Variants in ADAM21 observed in about 807,000 individuals in gnomAD.
The protein encoded by ADAM21 is ADAM metallopeptidase domain 21, also known as disintegrin and metalloproteinase domain-containing protein 21.
For synonymous variants in ADAM21, 262 were observed against 306.0 expected (o/e 0.86, Z 1.50); for missense variants, 678 against 874.4 (o/e 0.78, Z 2.83).
chr14:70,458,359 T>G lies in ADAM21; in HGVS notation c.860T>G (p.Leu287Arg), dbSNP rs545617797. The change falls in exon 2 of 2, where the codon CTT becomes CGT. Residue 287 changes from leucine (L) to arginine (R), a missense_variant. Leu to Arg is a moderately radical substitution (Grantham distance 102, BLOSUM62 -2). Coordinates refer to ENST00000603540, the MANE Select transcript of ADAM21 (RefSeq NM_003813.4). ...TTCTCTCAATGGAAACAAATCAGTC[T>G]TTCCCAGCTACAGCATGATGCTGCA... is the stretch of plus-strand genomic sequence containing the variant. ...NDFSQWKQIS[L>R]SQLQHDAAHM... 2.2e-5 allele frequency: 36 copies of G among 1,614,214 alleles called. No individual in the cohort carries two copies. The highest frequency in any genetic ancestry group is 1.1e-4 in the African/African-American group (8 of 75,074).
In ADAM21 at chr14:70,457,623, G is replaced by C; in HGVS notation, c.124G>C (p.Val42Leu). The C allele has an allele frequency of 3.1e-6, 5 of 1,613,996 alleles. No individual in the cohort carries two copies. The highest frequency in any genetic ancestry group is 4.2e-6 in the Non-Finnish European group (5 of 1,179,954). ...CTCCCAGCATTTCACTTCCCCGGAA[G>C]TGGTGATCCCCTTGAAGGTGATCAG... ...GPSQHFTSPE[V>L]VIPLKVISRG... is the part of the protein sequence containing the mutation. The change falls in exon 2 of 2, where the codon GTG (valine) becomes CTG (leucine). Residue 42 changes from valine to leucine, a missense_variant. Coordinates refer to ENST00000603540, the MANE Select transcript of ADAM21 (RefSeq NM_003813.4).
At chr14:70,455,125 T>C (rs1889087374) in intron 1 of ADAM21, among the ~76,000 whole-genome samples, 1 of 152,170 alleles carries the variant, frequency 6.6e-6, no homozygotes, top group Admixed American at 6.5e-5. Context: ...CTCTCTCCTT[T>C]TGTCTTTAAA....
Position 70,459,781 on chromosome 14 carries a change from G to C in ADAM21, c.*113G>C. The C allele has an allele frequency of 7.7e-7, 1 of 1,297,300 alleles. No individual in the cohort carries two copies. The highest frequency in any genetic ancestry group is 1.1e-6 in the Non-Finnish European group (1 of 944,094). The allele number at this position is 1,297,300 out of a possible 1,614,324, so 80.4% of individuals were successfully genotyped here. On this transcript the variant is annotated 3_prime_UTR_variant, in exon 2 of 2. Transcript: ENST00000603540. The stretch of plus-strand genomic sequence containing the variant: ...CATTTCTGACCATTTCCAGAAAGCT[G>C]CAAAGATCTTCCCTTACATTAGTAC...
chr14:70,459,455 C>T lies in ADAM21; in HGVS notation c.1956C>T (p.His652=). Residue 652 remains histidine (H), a synonymous_variant, in exon 2 of 2, where the codon CAC becomes CAT. Coordinates refer to ENST00000603540, the MANE Select transcript of ADAM21 (RefSeq NM_003813.4). ...KGICNNKHHC[H]CGYGWSPPYC... The stretch of plus-strand genomic sequence containing the variant: ...TCTGCAATAACAAACATCACTGCCA[C>T]TGTGGCTATGGGTGGTCCCCACCCT... The T allele has an allele frequency of 6.2e-7, 1 of 1,614,240 alleles. No individual in the cohort carries two copies. Among genetic ancestry groups the T allele is most frequent in the Non-Finnish European group, 8.5e-7 (1 of 1,180,038 alleles).
At position 70,457,913 on chromosome 14, in the gene ADAM21, A is replaced by C. The variant is rs753003057; in HGVS notation, c.414A>C (p.Ile138=). Residue 138 remains isoleucine, a synonymous_variant, in exon 2 of 2, where the codon ATA becomes ATC. Coordinates refer to ENST00000603540, the MANE Select transcript of ADAM21 (RefSeq NM_003813.4). ...GGGGCTTTCGAGGAGTATTAAAAATAAGTGGCCTCACTTATGAAATTGAAC... is the reference window on the plus strand; with the variant it reads ...GGGGCTTTCGAGGAGTATTAAAAATCAGTGGCCTCACTTATGAAATTGAAC... ...CFGGFRGVLK[I]SGLTYEIEPI... 2.5e-6 allele frequency: 4 copies of C among 1,614,154 alleles called. No homozygotes were observed. Among genetic ancestry groups the C allele is most frequent in the East Asian group, 2.2e-5 (1 of 44,876 alleles).
chr14:70,455,121 C>G (rs1253608503), intron 1 of ADAM21, among the ~76,000 whole-genome samples: 5 of 152,076 alleles, frequency 3.3e-5, no homozygotes, highest in Admixed American at 1.3e-4. Context: ...CTCTCTCTCT[C>G]CTTTTGTCTT....
At chr14:70,457,311 A>C in intron 1 of ADAM21, 38 bp from the exon 2 acceptor site, 1 of 770,434 alleles carries the variant, frequency 1.3e-6, no homozygotes, top group Admixed American at 2.8e-5. Context: ...TTCCTTACTT[A>C]TCACCTTTCC....
chr14:70,459,083 T>C lies in ADAM21; in HGVS notation c.1584T>C (p.Asn528=), dbSNP rs777567095. The change falls in exon 2 of 2, where the codon AAT becomes AAC. Residue 528 remains asparagine (N), a synonymous_variant. Coordinates refer to ENST00000603540, the MANE Select transcript of ADAM21 (RefSeq NM_003813.4). ...AAGATGCAAAAAGTGCATCTCAGAA[T>C]TGCTATAAAGAAATCAATTCTCAGG... is the stretch of plus-strand genomic sequence containing the variant. ...FGKDAKSASQ[N]CYKEINSQGN... 2.5e-6 allele frequency: 4 copies of C among 1,613,220 alleles called. No individual in the cohort carries two copies. Among genetic ancestry groups the C allele is most frequent in the Non-Finnish European group, 3.4e-6 (4 of 1,179,794 alleles).
rs138163438 is a variant in ADAM21 at position 70,459,003 on chromosome 14, T to G, written c.1504T>G (p.Cys502Gly). 17 of 1,613,972 alleles carry G rather than the reference T, an allele frequency of 1.1e-5. No individual in the cohort carries two copies. The highest frequency in any genetic ancestry group is 1.4e-5 in the Non-Finnish European group (17 of 1,179,998). ...GATCCCCTGTAGTGACAGTGCCTAC[T>G]GCTATCAAAAGAGGTGTAATAACCA... The part of the protein sequence containing the change: ...DGIPCSDSAY[C>G]YQKRCNNHDQ... The change falls in exon 2 of 2, where the codon TGC becomes GGC. Residue 502 changes from cysteine (C) to glycine (G), a missense_variant. Cys to Gly is a radical substitution (Grantham distance 159). Transcript: ENST00000603540.
At position 70,458,715 on chromosome 14, in the gene ADAM21, C is replaced by G; in HGVS notation, c.1216C>G (p.Leu406Val). 1 of 1,614,016 alleles carries G rather than the reference C, an allele frequency of 6.2e-7. No individual in the cohort carries two copies. ...NPPRLGEIFM[L>V]KRCGNGVVER... The stretch of plus-strand genomic sequence containing the variant: ...TCCAAGATTGGGGGAAATCTTTATG[C>G]TAAAGCGCTGTGGGAATGGTGTGGT... Residue 406 changes from leucine to valine, a missense_variant, in exon 2 of 2, where the codon CTA (leucine) becomes GTA (valine). Transcript: ENST00000603540.
intron 1 of ADAM21, among the ~76,000 whole-genome samples, chr14:70,456,787 G>T (rs1220401773): frequency 6.6e-6 from 1 of 152,056 alleles, no homozygotes; most frequent in African/African-American, 2.4e-5. Context: ...GCATTACAGA[G>T]GATACTAAAA....
At position 70,458,117 on chromosome 14, in the gene ADAM21, T is replaced by C. The variant is rs745770097; in HGVS notation, c.618T>C (p.His206=). Residue 206 remains histidine (H), a synonymous_variant, in exon 2 of 2, where the codon CAT becomes CAC. Coordinates refer to ENST00000603540, the MANE Select transcript of ADAM21 (RefSeq NM_003813.4). Reference sequence around the variant, plus strand: ...AATCTGCTGGTGACTGGTGGACTCATGCATGGTTTCTGGAGCTAGTTGTTG... The same window carrying C: ...AATCTGCTGGTGACTGGTGGACTCACGCATGGTTTCTGGAGCTAGTTGTTG... The part of the protein sequence containing the change: ...EPKSAGDWWT[H]AWFLELVVVV... The C allele has an allele frequency of 6.2e-7, 1 of 1,614,110 alleles. No homozygotes were observed. Among genetic ancestry groups the C allele is most frequent in the Non-Finnish European group, 8.5e-7 (1 of 1,180,012 alleles).
Position 70,459,492 on chromosome 14 carries a change from A to G in ADAM21, c.1993A>G (p.Arg665Gly). The change falls in exon 2 of 2, where the codon AGA (arginine) becomes GGA (glycine). Residue 665 changes from arginine (R) to glycine (G), a missense_variant. By Grantham distance (125) the Arg-to-Gly change is moderately radical. Transcript: ENST00000603540. ...GTGGTCCCCACCCTACTGCCAGCAC[A>G]GAGGCTATGGGGGCAGTATTGACAG... ...YGWSPPYCQH[R>G]GYGGSIDSGP... 1.9e-6 allele frequency: 3 copies of G among 1,614,206 alleles called. No homozygotes were observed. The South Asian group carries it at 3.3e-5, about 18-fold the overall frequency.
intron 1 of ADAM21, among the ~76,000 whole-genome samples, chr14:70,454,404 C>T (rs1178552078): frequency 2.0e-5 from 3 of 152,034 alleles, no homozygotes; most frequent in Admixed American, 2.0e-4. Flanking sequence ...CATTCCCCGA[C>T]AATCTCTGTC....
In ADAM21 at chr14:70,457,507, T is replaced by C. The variant is rs754822213; in HGVS notation, c.8T>C (p.Val3Ala). Residue 3 changes from valine (V) to alanine (A), a missense_variant, in exon 2 of 2, where the codon GTG (valine) becomes GCG (alanine). Coordinates refer to ENST00000603540, the MANE Select transcript of ADAM21 (RefSeq NM_003813.4). Reference sequence around the variant, plus strand: ...CATAACGACAGCTTCATAATGGCAGTGGATGGGACCCTCGTGTACATCAGA... The same window carrying C: ...CATAACGACAGCTTCATAATGGCAGCGGATGGGACCCTCGTGTACATCAGA... The part of the protein sequence containing the change: MA[V>A]DGTLVYIRVT... 1.6e-5 allele frequency: 26 copies of C among 1,598,894 alleles called. No homozygotes were observed. The highest frequency in any genetic ancestry group is 2.1e-5 in the Non-Finnish European group (25 of 1,170,672).
chr14:70,452,960 T>A (rs1594980737), intron 1 of ADAM21, among the ~76,000 whole-genome samples: 3 of 152,102 alleles, frequency 2.0e-5, no homozygotes, highest in Admixed American at 6.5e-5. Context: ...AGAGAGGTAG[T>A]AAGGTAGAGA....
chr14:70,459,355 G>A lies in ADAM21; in HGVS notation c.1856G>A (p.Cys619Tyr), dbSNP rs1253958590. Residue 619 changes from cysteine (C) to tyrosine (Y), a missense_variant, in exon 2 of 2, where the codon TGC becomes TAC. Physicochemically the swap from Cys to Tyr is radical, Grantham distance 194. Transcript: ENST00000603540. Reference sequence around the variant, plus strand: ...ACTGTGTGTGGCCCAGGAAAGATCTGCATCCATAAGAAGTGTGTCAGTCTG... The same window carrying A: ...ACTGTGTGTGGCCCAGGAAAGATCTACATCCATAAGAAGTGTGTCAGTCTG... ...DGTVCGPGKI[C>Y]IHKKCVSLSV... is the part of the protein sequence containing the mutation. The A allele has an allele frequency of 6.2e-7, 1 of 1,614,094 alleles. No homozygotes were observed. The highest frequency in any genetic ancestry group is 1.3e-5 in the African/African-American group (1 of 74,934).
Position 70,459,853 on chromosome 14 carries a change from C to A in ADAM21, c.*185C>A. The A allele has an allele frequency of 1.4e-6, 1 of 729,796 alleles. No homozygotes were observed. The highest frequency in any genetic ancestry group is 2.2e-6 in the Non-Finnish European group (1 of 457,636). 45.2% of individuals were successfully genotyped at this position (729,796 alleles called of 1,614,324 possible). A position where few individuals can be genotyped will look rare whatever the true frequency, so the allele number is the denominator to read the frequency against. On this transcript the variant is annotated 3_prime_UTR_variant, in exon 2 of 2. Transcript: ENST00000603540. ...CAAGTTATTCTTAACATGTTTCTAT[C>A]TATTGTTTATTGTTTTAAGCAGCAA...
chr14:70,453,590 T>C (rs1387876460), intron 1 of ADAM21: 1 of 152,174 alleles, frequency 6.6e-6, no homozygotes, highest in Non-Finnish European at 1.5e-5. Flanking sequence ...CATGCTGAGC[T>C]CCAAGAAAAA....
Sources: allele counts gnomAD v4.1 joint callset (sites outside exome capture counted in the v4.1 genomes callset), GRCh38; gene constraint gnomAD v4.1.1; transcripts MANE v1.5; gene names NCBI Gene and HGNC (gene_info 2026-07-23, HGNC 2026-07-21).